Variants in ERCC8 observed in about 807,000 individuals in gnomAD.
ERCC8 encodes DNA excision repair protein ERCC-8.
Under a neutral mutation model 54.9 loss-of-function variants are expected in ERCC8, and 52 were observed. The observed-to-expected ratio is 0.95, with a 90% CI of 0.76 to 1.19. The LOEUF is 1.19. Ranked by LOEUF, ERCC8 falls within the 50% of genes most tolerant of loss-of-function variation. The pLI is 0.00. For missense variants in ERCC8, 514 were observed against 466.1 expected, an observed-to-expected ratio of 1.10 and a Z score of -0.95; for synonymous variants, 146 against 157.2, an observed-to-expected ratio of 0.93 and a Z score of 0.53.
rs200217057 is a variant in ERCC8 at position 60,908,582 on chromosome 5, TA to T, written c.400-3710del. Among the ~76,000 whole-genome samples, 497 of 50,416 alleles carry T rather than the reference TA, an allele frequency of 9.9e-3. 3 individuals carry two copies. Among genetic ancestry groups the T allele is most frequent in the Non-Finnish European group, 0.021 (388 of 18,924 alleles). 33.1% of individuals were successfully genotyped at this position (50,416 alleles called of 152,430 possible). A position where few individuals can be genotyped will look rare whatever the true frequency, so the allele number is the denominator to read the frequency against. ...ATAAATACATATATATATATATATATATTTTTTTTTTAAATAATGGCTTTGT... is the reference window on the plus strand; with the variant it reads ...ATAAATACATATATATATATATATATTTTTTTTTTTAAATAATGGCTTTGT... On this transcript the variant is annotated intron_variant, in intron 4 of 11. Coordinates refer to ENST00000676185, the MANE Select transcript of ERCC8 (RefSeq NM_000082.4).
rs1747866495 is a variant in ERCC8, at chr5:60,871,707, C to T, written c.*2908G>A. ...AATTATTTATAATGAGCCTATATAT[C>T]TATATAACTAGAAGTAAGTAAAACA... is the stretch of plus-strand genomic sequence containing the variant. On this transcript the variant is annotated 3_prime_UTR_variant, in exon 12 of 12. Coordinates refer to ENST00000676185, the MANE Select transcript of ERCC8 (RefSeq NM_000082.4). Among the ~76,000 whole-genome samples the T allele has an allele frequency of 6.6e-6, 1 of 152,116 alleles. No homozygotes were observed. The highest frequency in any genetic ancestry group is 2.1e-4 in the South Asian group (1 of 4,832).
chr5:60,875,942 G>C (rs1236806920), intron 11 of ERCC8, among the ~76,000 whole-genome samples: 3 of 151,834 alleles, frequency 2.0e-5, no homozygotes, highest in South Asian at 2.1e-4. Context: ...ACAACGTGCA[G>C]GTTTGTCACA....
At position 60,938,862 on chromosome 5, in the gene ERCC8, C is replaced by T. The variant is rs576737643; in HGVS notation, c.77+6070G>A. 7.2e-5 allele frequency among the ~76,000 whole-genome samples: 11 copies of T among 152,202 alleles called. No individual in the cohort carries two copies. In the South Asian group the frequency reaches 2.3e-3, roughly 32 times the overall value. On this transcript the variant is annotated intron_variant, in intron 1 of 11. Coordinates refer to ENST00000676185, the MANE Select transcript of ERCC8 (RefSeq NM_000082.4). ...TGGTGCTTTTAACCTTAAATCTTAC[C>T]TTACCTAATATTCGTAGTGATGTCC...
At chr5:60,908,583 A>ATTTTTT (rs3031040) in intron 4 of ERCC8, among the ~76,000 whole-genome samples, 15 of 141,892 alleles carry the variant, frequency 1.1e-4, no homozygotes, top group African/African-American at 3.6e-4. Flanking sequence ...ATATATATAT[A>ATTTTTT]TTTTTTTTTT....
intron 2 of ERCC8, among the ~76,000 whole-genome samples, chr5:60,923,502 G>A (rs1372948600): frequency 6.6e-6 from 1 of 151,958 alleles, no homozygotes; most frequent in Non-Finnish European, 1.5e-5. Flanking sequence ...AAGCCATAAT[G>A]TTTAATTTAG....
chr5:60,906,730 A>AAAATAAATAAATAAAT (rs142093470), intron 4 of ERCC8, among the ~76,000 whole-genome samples: 1 of 149,826 alleles, frequency 6.7e-6, no homozygotes, highest in Non-Finnish European at 1.5e-5. Context: ...CTCTGTCTCA[A>AAAATAAATAAATAAAT]AAATAAATAA....
intron 10 of ERCC8, among the ~76,000 whole-genome samples, chr5:60,889,266 A>G (rs964383995): frequency 1.3e-5 from 2 of 152,212 alleles, no homozygotes; most frequent in Admixed American, 6.5e-5. Flanking sequence ...TGTTGAGATT[A>G]TATAAATATC....
At chr5:60,937,489 G>T (rs1750102028) in intron 1 of ERCC8, among the ~76,000 whole-genome samples, 1 of 152,302 alleles carries the variant, frequency 6.6e-6, no homozygotes, top group Middle Eastern at 3.4e-3. Context: ...TGGTAGATGG[G>T]GGCATGGTTC....
At chr5:60,885,292 A>T (rs1247546705) in intron 11 of ERCC8, among the ~76,000 whole-genome samples, 1 of 152,030 alleles carries the variant, frequency 6.6e-6, no homozygotes, top group Non-Finnish European at 1.5e-5. Context: ...GGGATTACAG[A>T]TGTGAGCCAC....
At chr5:60,918,021 T>C (rs981171122) in intron 4 of ERCC8, 3 of 474,444 alleles carry the variant, frequency 6.3e-6, no homozygotes, top group Non-Finnish European at 1.2e-5. Flanking sequence ...ACAACCATAC[T>C]ATAATCATTA....
At chr5:60,876,598 T>G (rs983968764) in intron 11 of ERCC8, among the ~76,000 whole-genome samples, 1 of 152,210 alleles carries the variant, frequency 6.6e-6, no homozygotes, top group African/African-American at 2.4e-5. Flanking sequence ...GGTATCTCAT[T>G]GTGGTTTTGA....
intron 10 of ERCC8, among the ~76,000 whole-genome samples, chr5:60,890,565 G>T (rs534979475): frequency 2.0e-5 from 3 of 152,210 alleles, no homozygotes; most frequent in South Asian, 4.2e-4. Flanking sequence ...ATGATTAAAT[G>T]CCTATATTTT....
chr5:60,930,761 CAGA>C (rs1166071666), intron 1 of ERCC8, among the ~76,000 whole-genome samples: 1 of 151,944 alleles, frequency 6.6e-6, no homozygotes, highest in East Asian at 1.9e-4. Context: ...TTTAAATATC[CAGA>C]CAAACAGTAA....
intron 3 of ERCC8, among the ~76,000 whole-genome samples, chr5:60,919,150 A>G (rs566579801): frequency 7.9e-5 from 12 of 152,052 alleles, no homozygotes; most frequent in Non-Finnish European, 1.5e-4. Context: ...TGTATTTAAG[A>G]TAGTGGTACT....
intron 4 of ERCC8, chr5:60,909,714 GA>G: frequency 1.3e-5 from 2 of 152,540 alleles, no homozygotes; most frequent in South Asian, 4.1e-4. Flanking sequence ...AACACTTTGA[GA>G]GGCCGAGGTG....
intron 1 of ERCC8, among the ~76,000 whole-genome samples, chr5:60,938,142 T>C (rs570477480): frequency 6.9e-6 from 1 of 145,594 alleles, no homozygotes; most frequent in African/African-American, 2.5e-5. Context: ...TTTCTCTGGG[T>C]CCCCTAAGTT....
Position 60,898,296 on chromosome 5 carries a change from A to C in ERCC8, c.823T>G (p.Ser275Ala). Residue 275 changes from serine to alanine, a missense_variant, in exon 9 of 12, where the codon TCC (serine) becomes GCC (alanine). Coordinates refer to ENST00000676185, the MANE Select transcript of ERCC8 (RefSeq NM_000082.4). ...CTTACAAGTGTGTTTTCTCCATTGG[A>C]ACTATTCCAGAGCCTCATTCGATTA... is the stretch of plus-strand genomic sequence containing the variant. ...TDNRMRLWNS[S>A]NGENTLVNYG... 1 of 1,613,642 alleles carries C rather than the reference A, an allele frequency of 6.2e-7. No individual in the cohort carries two copies. Among genetic ancestry groups the C allele is most frequent in the South Asian group, 1.1e-5 (1 of 91,066 alleles).
Position 60,944,941 on chromosome 5 carries a change from G to A in ERCC8, c.68C>T (p.Ser23Leu), listed in dbSNP as rs1211626308. ...GTAAGGTTTTCTTTACCTCCGTGTT[G>A]ACTCTGCTCTCCGAAGGCGAAGAGG... The part of the protein sequence containing the change: ...EDPLRLRRAE[S>L]TRRVLGLELN... The change falls in exon 1 of 12, where the codon TCA (serine) becomes TTA (leucine). Residue 23 changes from serine to leucine, a missense_variant. Coordinates refer to ENST00000676185, the MANE Select transcript of ERCC8 (RefSeq NM_000082.4). The A allele has an allele frequency of 1.9e-6, 3 of 1,613,708 alleles. No homozygotes were observed. The highest frequency in any genetic ancestry group is 2.5e-6 in the Non-Finnish European group (3 of 1,179,610).
At chr5:60,893,644 C>G (rs567763544) in intron 9 of ERCC8, 21 of 565,676 alleles carry the variant, frequency 3.7e-5, no homozygotes, top group East Asian at 2.2e-4. Flanking sequence ...CGGCGGGGAT[C>G]TGAGAAGAGA....
Sources: allele counts gnomAD v4.1 joint callset (sites outside exome capture counted in the v4.1 genomes callset), GRCh38; gene constraint gnomAD v4.1.1; transcripts MANE v1.5; gene names NCBI Gene and HGNC (gene_info 2026-07-23, HGNC 2026-07-21).